ABCD2: variants seen among roughly 807,000 people sequenced by gnomAD.
ABCD2 encodes ATP binding cassette subfamily D member 2, also known as ATP-binding cassette sub-family D member 2.
A neutral mutation model predicts 70.9 loss-of-function variants in ABCD2; 36 were observed. The ratio of observed to expected loss-of-function variants is 0.51; its 90% CI spans 0.39 to 0.67. The LOEUF (loss-of-function observed/expected upper bound fraction) is 0.67, where lower values mean the gene tolerates loss of function less well. ABCD2 is among the 30% of genes least tolerant of loss of function. The pLI is 0.00. For missense variants in ABCD2, 729 were observed against 890.2 expected (o/e 0.82, Z 2.30); for synonymous variants, 304 against 306.9 (o/e 0.99, Z 0.10).
chr12:39,582,408 A>G (rs1276000828), intron 7 of ABCD2, among the ~76,000 whole-genome samples: 5 of 152,252 alleles, frequency 3.3e-5, no homozygotes. Flanking sequence ...TGATATATGT[A>G]AATTCCACAT....
chr12:39,578,426 A>G (rs1170237750), intron 8 of ABCD2, among the ~76,000 whole-genome samples: 1 of 146,584 alleles, frequency 6.8e-6, no homozygotes, highest in African/African-American at 2.6e-5. Flanking sequence ...GTGAGCCGAG[A>G]TGGTGCCACT....
chr12:39,608,476 CAGG>C (rs2120753014), intron 2 of ABCD2, among the ~76,000 whole-genome samples: 2 of 152,170 alleles, frequency 1.3e-5, no homozygotes, highest in South Asian at 4.1e-4. Flanking sequence ...CACTTGAGAC[CAGG>C]AGTTTGAGAC....
intron 9 of ABCD2, among the ~76,000 whole-genome samples, chr12:39,556,908 AGGAG>A (rs1941175356): frequency 6.6e-6 from 1 of 151,446 alleles, no homozygotes; most frequent in Admixed American, 6.6e-5. Context: ...GCTTGAACCC[AGGAG>A]GCAGATGTTG....
chr12:39,614,010 C>A (rs551280558), intron 2 of ABCD2, among the ~76,000 whole-genome samples: 5 of 152,300 alleles, frequency 3.3e-5, no homozygotes, highest in Admixed American at 3.3e-4. Flanking sequence ...TAAGCTACAG[C>A]AGTGATCATG....
downstream of ABCD2, among the ~76,000 whole-genome samples, chr12:39,546,308 A>G (rs1566516796): frequency 6.6e-6 from 1 of 151,880 alleles, no homozygotes; most frequent in East Asian, 1.9e-4. Flanking sequence ...TTTTTGCTCC[A>G]TTTGTATTCA....
chr12:39,577,990 A>G (rs79277164), intron 8 of ABCD2, among the ~76,000 whole-genome samples: 1,682 of 152,298 alleles, frequency 0.011, 35 homozygotes, highest in African/African-American at 0.038. Flanking sequence ...GTGTGAGCCA[A>G]CTGAGTGCTT....
At chr12:39,564,718 G>A (rs866564985) in intron 9 of ABCD2, among the ~76,000 whole-genome samples, 4 of 152,084 alleles carry the variant, frequency 2.6e-5, no homozygotes, top group Non-Finnish European at 1.5e-5. Flanking sequence ...CCTATGTCCT[G>A]AATGGTATTG....
At chr12:39,592,788 C>T (rs890662289) in intron 6 of ABCD2, among the ~76,000 whole-genome samples, 5 of 152,188 alleles carry the variant, frequency 3.3e-5, no homozygotes, top group African/African-American at 4.8e-5. Flanking sequence ...CTTAAATAAA[C>T]ACACTCCTTG....
intron 2 of ABCD2, among the ~76,000 whole-genome samples, chr12:39,614,246 T>C (rs750977971): frequency 5.9e-5 from 9 of 152,202 alleles, no homozygotes; most frequent in Non-Finnish European, 1.0e-4. Context: ...GGTAAGAATA[T>C]GATAAATATT....
intron 6 of ABCD2, among the ~76,000 whole-genome samples, chr12:39,588,607 C>G (rs1031623815): frequency 6.6e-6 from 1 of 152,066 alleles, no homozygotes; most frequent in Non-Finnish European, 1.5e-5. Context: ...TTCAGGAATG[C>G]GAGAAAATAA....
intron 7 of ABCD2, among the ~76,000 whole-genome samples, chr12:39,585,852 A>T (rs1033636287): frequency 6.6e-6 from 1 of 152,146 alleles, no homozygotes; most frequent in African/African-American, 2.4e-5. Flanking sequence ...CTTTACATAC[A>T]TCTAGACTGA....
intron 7 of ABCD2, among the ~76,000 whole-genome samples, chr12:39,584,422 T>C (rs1268381330): frequency 2.6e-5 from 4 of 152,214 alleles, no homozygotes; most frequent in African/African-American, 9.6e-5. Context: ...TATTAGACTT[T>C]TGTCAGATGC....
the ABCD2 span, among the ~76,000 whole-genome samples, chr12:39,531,818 G>C: frequency 6.6e-6 from 1 of 152,360 alleles, no homozygotes; most frequent in African/African-American, 2.4e-5. Context: ...GTAACCTCTA[G>C]TCTTTGTGAC....
intron 9 of ABCD2, among the ~76,000 whole-genome samples, chr12:39,558,821 T>A (rs1403978857): frequency 1.3e-5 from 2 of 151,524 alleles, no homozygotes; most frequent in Non-Finnish European, 2.9e-5. Flanking sequence ...CGCACTTCAA[T>A]AAAATACAGA....
intron 6 of ABCD2, among the ~76,000 whole-genome samples, chr12:39,597,864 T>C (rs1281045870): frequency 6.6e-6 from 1 of 152,176 alleles, no homozygotes; most frequent in African/African-American, 2.4e-5. Flanking sequence ...ACCAACATTT[T>C]TTTGTGTGTG....
chr12:39,604,445 GAAC>G (rs1182724672), intron 4 of ABCD2, among the ~76,000 whole-genome samples: 2 of 151,998 alleles, frequency 1.3e-5, no homozygotes, highest in African/African-American at 4.8e-5. Flanking sequence ...GTATAATGAA[GAAC>G]AACATGACAT....
chr12:39,597,034 T>G (rs1184577080), intron 6 of ABCD2, among the ~76,000 whole-genome samples: 5 of 152,186 alleles, frequency 3.3e-5, no homozygotes, highest in Non-Finnish European at 1.5e-5. Context: ...TAAAAATATT[T>G]TTTATTCATG....
downstream of ABCD2, among the ~76,000 whole-genome samples, chr12:39,547,932 G>A (rs1459710161): frequency 7.7e-6 from 1 of 129,252 alleles, no homozygotes; most frequent in Admixed American, 7.2e-5. Context: ...GTGTATGTGT[G>A]TCAGGTTGTA....
At chr12:39,564,472 G>C (rs1268075252) in intron 9 of ABCD2, among the ~76,000 whole-genome samples, 1 of 151,974 alleles carries the variant, frequency 6.6e-6, no homozygotes, top group Non-Finnish European at 1.5e-5. Flanking sequence ...TTTTTGATGG[G>C]GTTGTTTGTT....
Sources: gnomAD v4.1 joint callset for allele counts (sites outside exome capture counted in the v4.1 genomes callset) on GRCh38, gnomAD v4.1.1 for gene constraint, MANE v1.5 for transcripts, NCBI Gene and HGNC (gene_info 2026-07-23, HGNC 2026-07-21) for gene names.